Variants in SLC12A1 observed in about 807,000 individuals in gnomAD.
The protein encoded by SLC12A1 is Na-K-2Cl cotransporter.
A neutral mutation model predicts 130.4 loss-of-function variants in SLC12A1; 89 were observed. The observed-to-expected ratio is 0.68, with a 90% CI of 0.58 to 0.81. The LOEUF is 0.81. SLC12A1 is among the 40% of genes least tolerant of loss of function. SLC12A1 has a pLI of 0.00. For synonymous variants in SLC12A1, 499 were observed against 460.0 expected, an observed-to-expected ratio of 1.08 and a Z score of -1.09; for missense variants, 1,310 against 1,336.4, an observed-to-expected ratio of 0.98 and a Z score of 0.31.
At chr15:48,222,222 C>T (rs1473216380) in intron 4 of SLC12A1, 1 of 152,114 alleles carries the variant, frequency 6.6e-6, no homozygotes, top group Non-Finnish European at 1.5e-5. Flanking sequence ...GTTTTAGTAA[C>T]TTATTGAGAT....
rs372350814 is a variant in SLC12A1 at position 48,291,833 on chromosome 15, G to T, written c.2929G>T (p.Gly977Cys). ...AAAATTTGCAGACATCCATATCATC[G>T]GTGACATCAACATTAGGCCAAACAA... Reference protein sequence around the residue: ...RIKFADIHIIGDINIRPNKES... With the variant: ...RIKFADIHIICDINIRPNKES... Residue 977 changes from glycine (G) to cysteine (C), a missense_variant, in exon 24 of 27, where the codon GGT becomes TGT. Transcript: ENST00000380993. 8 of 1,571,644 alleles carry T rather than the reference G, an allele frequency of 5.1e-6. No homozygotes were observed. The highest frequency in any genetic ancestry group is 6.1e-6 in the Non-Finnish European group (7 of 1,156,792).
intron 9 of SLC12A1, among the ~76,000 whole-genome samples, chr15:48,235,576 T>C (rs2041430496): frequency 6.6e-6 from 1 of 151,996 alleles, no homozygotes; most frequent in East Asian, 1.9e-4. Flanking sequence ...GAGGCTGAGG[T>C]GGGAGGATTG....
Position 48,232,834 on chromosome 15 carries a change from C to T in SLC12A1, c.1083C>T (p.Tyr361=), listed in dbSNP as rs138583917. ...NEKKSRGFFN[Y]QASIFAENFG... ...AAAAGTCCAGAGGTTTCTTTAATTA[C>T]CAAGGTACATGGAATAAATTGGTTG... The change falls in exon 8 of 27, where the codon TAC becomes TAT. Residue 361 remains tyrosine, a synonymous_variant. Transcript: ENST00000380993. 2.2e-5 allele frequency: 34 copies of T among 1,576,782 alleles called. No individual in the cohort carries two copies. Among genetic ancestry groups the T allele is most frequent in the Non-Finnish European group, 3.0e-5 (34 of 1,146,784 alleles).
intron 2 of SLC12A1, among the ~76,000 whole-genome samples, chr15:48,210,822 C>T (rs1487795298): frequency 6.6e-6 from 1 of 151,514 alleles, no homozygotes; most frequent in Non-Finnish European, 1.5e-5. Context: ...GAGATAGTGC[C>T]ACTGCACTCC....
intron 20 of SLC12A1, among the ~76,000 whole-genome samples, chr15:48,277,622 T>A (rs1378658993): frequency 6.6e-6 from 1 of 152,222 alleles, no homozygotes; most frequent in Non-Finnish European, 1.5e-5. Context: ...TGTCCAGTTT[T>A]CTCTGGCAGC....
chr15:48,216,026 T>C (rs2041116457), intron 2 of SLC12A1, among the ~76,000 whole-genome samples: 1 of 152,194 alleles, frequency 6.6e-6, no homozygotes, highest in Admixed American at 6.5e-5. Context: ...TGTCAGACCT[T>C]AATAGTCAAC....
At chr15:48,226,787 G>C in intron 5 of SLC12A1, 8 of 607,006 alleles carry the variant, frequency 1.3e-5, no homozygotes, top group Non-Finnish European at 2.0e-5. Context: ...CACATTGTAG[G>C]TTATGCCTTA....
rs1566839770 is a variant in SLC12A1 at position 48,247,459 on chromosome 15, T to C, written c.1683T>C (p.Ile561=). ...TTATAGCCATGGCATTTATTCTTAT[T>C]GGTTTGTAAAGTTTTCTTGTTTTTA... is the stretch of plus-strand genomic sequence containing the variant. The part of the protein sequence containing the change: ...TFLIAMAFIL[I]AELNTIAPII... Residue 561 remains isoleucine (I), a splice_region_variant and synonymous_variant, in exon 13 of 27, where the codon ATT becomes ATC. Coordinates refer to ENST00000380993, the MANE Select transcript of SLC12A1 (RefSeq NM_000338.3). The C allele has an allele frequency of 6.3e-7, 1 of 1,599,324 alleles. No homozygotes were observed. Among genetic ancestry groups the C allele is most frequent in the East Asian group, 2.2e-5 (1 of 44,790 alleles).
intron 4 of SLC12A1, among the ~76,000 whole-genome samples, chr15:48,221,899 G>A (rs2041221437): frequency 6.6e-6 from 1 of 152,084 alleles, no homozygotes; most frequent in Non-Finnish European, 1.5e-5. Context: ...ATTTTAAAAG[G>A]TAGTTGGTCA....
chr15:48,273,601 T>A (rs1018895508), intron 19 of SLC12A1, among the ~76,000 whole-genome samples: 2 of 152,184 alleles, frequency 1.3e-5, no homozygotes, highest in Admixed American at 1.3e-4. Flanking sequence ...ACAAGATTTG[T>A]TTATGAGGAA....
chr15:48,230,567 T>C (rs1597410339), intron 7 of SLC12A1, 64 bp downstream of exon 7: 4 of 962,314 alleles, frequency 4.2e-6, no homozygotes. Context: ...ATTGCAGGAG[T>C]AGAGGGAACT....
intron 2 of SLC12A1, among the ~76,000 whole-genome samples, chr15:48,219,343 G>A (rs1045797644): frequency 4.6e-5 from 7 of 152,110 alleles, no homozygotes; most frequent in Admixed American, 6.5e-5. Flanking sequence ...GGGTCATGAG[G>A]TCAAGAGATC....
At position 48,303,817 on chromosome 15, in the gene SLC12A1, A is replaced by C. The variant is rs1447208102; in HGVS notation, c.*932A>C. 4 of 152,228 alleles carry C rather than the reference A, an allele frequency of 2.6e-5. No homozygotes were observed. Among genetic ancestry groups the C allele is most frequent in the African/African-American group, 9.6e-5 (4 of 41,456 alleles). 9.4% of individuals were successfully genotyped at this position (152,228 alleles called of 1,614,324 possible). On this transcript the variant is annotated 3_prime_UTR_variant, in exon 27 of 27. Transcript: ENST00000380993. Reference sequence around the variant, plus strand: ...TATATCCTGAATCATATATTTAGTTACTTTCTATAGTGATTGTATGGATTT... The same window carrying C: ...TATATCCTGAATCATATATTTAGTTCCTTTCTATAGTGATTGTATGGATTT...
Position 48,302,885 on chromosome 15 carries a change from A to C in SLC12A1, c.3300A>C (p.Ter1100TyrextTer9). ...AAAATGTCTTGACATTTTACTCTTA[A>C]AACATGAAAGATTGGAATACATTTT... Reference protein sequence around the residue: ...NHKNVLTFYS* With the variant: ...NHKNVLTFYSY Residue 1100 changes from the stop codon to tyrosine, a stop_lost, in exon 27 of 27, where the codon TAA (stop) becomes TAC (tyrosine). Transcript: ENST00000380993. The C allele has an allele frequency of 6.2e-7, 1 of 1,602,156 alleles. No individual in the cohort carries two copies.
At chr15:48,252,875 A>G (rs1414541795) in intron 15 of SLC12A1, among the ~76,000 whole-genome samples, 1 of 152,188 alleles carries the variant, frequency 6.6e-6, no homozygotes, top group Admixed American at 6.5e-5. Context: ...GATGGGGAGA[A>G]GGATCACAGG....
At chr15:48,213,501 A>ATTTTT (rs1242909450) in intron 2 of SLC12A1, among the ~76,000 whole-genome samples, 2 of 131,278 alleles carry the variant, frequency 1.5e-5, no homozygotes, top group African/African-American at 6.0e-5. Context: ...TTCCTCTAGA[A>ATTTTT]TTTTTTTTTT....
chr15:48,298,576 C>T (rs911214452), intron 24 of SLC12A1, among the ~76,000 whole-genome samples: 3 of 152,188 alleles, frequency 2.0e-5, no homozygotes, highest in Non-Finnish European at 2.9e-5. Context: ...TTGCAGAAAA[C>T]GTCCAAATTG....
At chr15:48,265,060 T>C (rs967175480) in intron 17 of SLC12A1, among the ~76,000 whole-genome samples, 1 of 152,210 alleles carries the variant, frequency 6.6e-6, no homozygotes, top group Non-Finnish European at 1.5e-5. Context: ...TATGGCATAT[T>C]TGAATGTTGA....
chr15:48,214,650 G>A lies in SLC12A1; in HGVS notation c.421-5984G>A, dbSNP rs117170228. Among the ~76,000 whole-genome samples the A allele has an allele frequency of 2.2e-3, 328 of 152,274 alleles. 6 individuals carry two copies. In the East Asian group the frequency reaches 0.052, roughly 24 times the overall value. On this transcript the variant is annotated intron_variant, in intron 2 of 26. Transcript: ENST00000380993. ...TGTATAAACATAATAATATTGATCAGTAAGGTATGGAAATATGGTTAGAAT... is the reference window on the plus strand; with the variant it reads ...TGTATAAACATAATAATATTGATCAATAAGGTATGGAAATATGGTTAGAAT...
Sources: gnomAD v4.1 joint callset for allele counts (sites outside exome capture counted in the v4.1 genomes callset) on GRCh38, gnomAD v4.1.1 for gene constraint, MANE v1.5 for transcripts, NCBI Gene and HGNC (gene_info 2026-07-23, HGNC 2026-07-21) for gene names.